Variants in EPHA6 observed in about 807,000 individuals in gnomAD.
EPHA6 encodes the protein ephrin type-A receptor 6.
A neutral mutation model predicts 112.0 loss-of-function variants in EPHA6; 50 were observed. The ratio of observed to expected loss-of-function variants is 0.45; its 90% CI spans 0.36 to 0.56. EPHA6 has a LOEUF of 0.56. EPHA6 is among the 20% of genes least tolerant of loss of function. The pLI is 0.00. For synonymous variants in EPHA6, 529 were observed against 490.7 expected, an observed-to-expected ratio of 1.08 and a Z score of -1.03; for missense variants, 1,280 against 1,417.4, an observed-to-expected ratio of 0.90 and a Z score of 1.56.
chr3:97,278,179 T>G (rs919590825), intron 5 of EPHA6, among the ~76,000 whole-genome samples: 3 of 152,234 alleles, frequency 2.0e-5, no homozygotes, highest in African/African-American at 7.2e-5. Context: ...TTCTCATACA[T>G]TTCTTTAAAG....
chr3:97,140,167 T>A lies in EPHA6; in HGVS notation c.1115-86097T>A, dbSNP rs553232121. Among the ~76,000 whole-genome samples, 42 of 151,672 alleles carry A rather than the reference T, an allele frequency of 2.8e-4. No homozygotes were observed. The South Asian group carries it at 4.6e-3, about 17-fold the overall frequency. On this transcript the variant is annotated intron_variant, in intron 3 of 17. Transcript: ENST00000389672. ...GATAAAAATTAGAAAAAAATATATT[T>A]AAAAAAAATAAACATGACCTTCAAG...
intron 2 of EPHA6, among the ~76,000 whole-genome samples, chr3:96,885,653 T>C (rs999240069): frequency 6.6e-6 from 1 of 152,196 alleles, no homozygotes; most frequent in African/African-American, 2.4e-5. Context: ...TCTATCAATT[T>C]TATTTATCTT....
intron 11 of EPHA6, among the ~76,000 whole-genome samples, chr3:97,573,008 A>T (rs775498339): frequency 6.6e-6 from 1 of 152,228 alleles, no homozygotes; most frequent in African/African-American, 2.4e-5. Flanking sequence ...TTCTGCCTAC[A>T]TACGTCTTAA....
chr3:96,831,032 A>C (rs1324252084), intron 1 of EPHA6, among the ~76,000 whole-genome samples: 1 of 152,140 alleles, frequency 6.6e-6, no homozygotes, highest in East Asian at 1.9e-4. Context: ...TACATGATAA[A>C]TACAATTTTA....
Position 97,011,935 on chromosome 3 carries a change from A to T in EPHA6, c.1114+23942A>T, listed in dbSNP as rs367791192. On this transcript the variant is annotated intron_variant, in intron 3 of 17. Coordinates refer to ENST00000389672, the MANE Select transcript of EPHA6 (RefSeq NM_001080448.3). Reference sequence around the variant, plus strand: ...TGGTTTTCTGTTTGTGCATTAATTTACTTGGGATAATGGCTTGCTGCCTTA... The same window carrying T: ...TGGTTTTCTGTTTGTGCATTAATTTTCTTGGGATAATGGCTTGCTGCCTTA... Among the ~76,000 whole-genome samples the T allele has an allele frequency of 3.9e-4, 59 of 152,196 alleles. No individual in the cohort carries two copies. In the East Asian group the frequency reaches 7.9e-3, roughly 20 times the overall value.
intron 14 of EPHA6, among the ~76,000 whole-genome samples, chr3:97,695,281 A>G (rs2032958043): frequency 6.6e-6 from 1 of 152,202 alleles, no homozygotes; most frequent in Non-Finnish European, 1.5e-5. Context: ...GTATGGTGGT[A>G]TATTAAAATG....
At chr3:97,056,316 T>G (rs1217468326) in intron 3 of EPHA6, among the ~76,000 whole-genome samples, 1 of 152,190 alleles carries the variant, frequency 6.6e-6, no homozygotes, top group South Asian at 2.1e-4. Context: ...GTATCCTGGT[T>G]TAGATAAATT....
chr3:97,581,799 G>C (rs2093441090), intron 11 of EPHA6, among the ~76,000 whole-genome samples: 1 of 152,242 alleles, frequency 6.6e-6, no homozygotes. Flanking sequence ...TCCTGAGGGA[G>C]CACAGATGAG....
chr3:96,995,126 T>C (rs1433703815), intron 3 of EPHA6, among the ~76,000 whole-genome samples: 1 of 151,624 alleles, frequency 6.6e-6, no homozygotes, highest in Non-Finnish European at 1.5e-5. Flanking sequence ...TCTTGAAGAG[T>C]GTTGTTATTA....
chr3:97,214,481 C>CAA (rs1166034294), intron 3 of EPHA6, among the ~76,000 whole-genome samples: 3 of 63,018 alleles, frequency 4.8e-5, no homozygotes, highest in African/African-American at 8.6e-5. Flanking sequence ...AACTTTGTCT[C>CAA]AAAAAAAAAA....
intron 13 of EPHA6, among the ~76,000 whole-genome samples, chr3:97,611,898 C>T (rs970808349): frequency 2.0e-5 from 3 of 151,816 alleles, no homozygotes; most frequent in Admixed American, 1.3e-4. Flanking sequence ...GTTCTGGGCC[C>T]TCTTCTTCCA....
intron 3 of EPHA6, among the ~76,000 whole-genome samples, chr3:97,173,722 A>G (rs955039991): frequency 2.0e-5 from 3 of 151,772 alleles, no homozygotes; most frequent in Non-Finnish European, 4.4e-5. Context: ...ATTATTAACT[A>G]TCCTGCCAAA....
At chr3:97,627,636 A>G (rs1463370613) in intron 13 of EPHA6, among the ~76,000 whole-genome samples, 1 of 151,876 alleles carries the variant, frequency 6.6e-6, no homozygotes, top group Admixed American at 6.6e-5. Flanking sequence ...AATTATTAGC[A>G]TGAGCCTTTT....
chr3:97,639,368 T>C (rs1251598673), intron 14 of EPHA6, among the ~76,000 whole-genome samples: 1 of 152,022 alleles, frequency 6.6e-6, no homozygotes, highest in African/African-American at 2.4e-5. Context: ...TCTTTTATCT[T>C]TACAAATTTA....
intron 2 of EPHA6, among the ~76,000 whole-genome samples, chr3:96,983,433 G>A (rs1395794917): frequency 6.6e-6 from 1 of 152,224 alleles, no homozygotes; most frequent in Admixed American, 6.5e-5. Flanking sequence ...CTGTTAGTCT[G>A]ATGGGTTTCC....
intron 7 of EPHA6, among the ~76,000 whole-genome samples, chr3:97,466,825 A>G (rs1184682534): frequency 1.3e-5 from 2 of 151,868 alleles, no homozygotes; most frequent in East Asian, 3.9e-4. Context: ...CAGGCATCTC[A>G]AAGTACATAT....
At chr3:97,631,985 G>T (rs1322046790) in intron 13 of EPHA6, among the ~76,000 whole-genome samples, 1 of 151,942 alleles carries the variant, frequency 6.6e-6, no homozygotes, top group Non-Finnish European at 1.5e-5. Context: ...AAATATAGCA[G>T]ATATCTATAT....
chr3:97,713,183 C>T (rs149223483), intron 14 of EPHA6, among the ~76,000 whole-genome samples: 16 of 152,226 alleles, frequency 1.1e-4, no homozygotes, highest in African/African-American at 3.1e-4. Flanking sequence ...GTGGAGCAGA[C>T]GCTCTAGAGA....
At chr3:97,272,194 G>A (rs1051321829) in intron 5 of EPHA6, among the ~76,000 whole-genome samples, 1 of 152,014 alleles carries the variant, frequency 6.6e-6, no homozygotes, top group Non-Finnish European at 1.5e-5. Flanking sequence ...TTTTCCTTTA[G>A]GGGTCTGCCT....
Sources: gnomAD v4.1 joint callset for allele counts (sites outside exome capture counted in the v4.1 genomes callset) on GRCh38, gnomAD v4.1.1 for gene constraint, MANE v1.5 for transcripts, NCBI Gene and HGNC (gene_info 2026-07-23, HGNC 2026-07-21) for gene names.